The following UBR3 variants were observed in gnomAD, a reference collection of about 807,000 sequenced individuals.
UBR3 encodes ubiquitin protein ligase E3 component n-recognin 3, also known as E3 ubiquitin-protein ligase UBR3.
Under a neutral mutation model 243.2 loss-of-function variants are expected in UBR3, and 85 were observed. That is an observed-to-expected ratio of 0.35 (90% CI 0.29 to 0.42). The LOEUF (loss-of-function observed/expected upper bound fraction) is 0.42. UBR3 is among the 10% of genes least tolerant of loss of function. The probability of loss-of-function intolerance (pLI) is 1.00; values close to 1 mark genes in which losing one functional copy is unlikely to be tolerated. For missense variants in UBR3, 1,686 were observed against 2,300.8 expected (o/e 0.73, Z 5.47); for synonymous variants, 748 against 799.8 (o/e 0.94, Z 1.09).
chr2:169,904,686 T>C (rs570831671), intron 8 of UBR3, among the ~76,000 whole-genome samples: 5 of 152,274 alleles, frequency 3.3e-5, no homozygotes, highest in African/African-American at 1.2e-4. Flanking sequence ...TCTCTTGAAA[T>C]CATACAGATT....
At chr2:170,044,524 G>C (rs781175066) in intron 32 of UBR3, among the ~76,000 whole-genome samples, 16 of 152,120 alleles carry the variant, frequency 1.1e-4, no homozygotes, top group Non-Finnish European at 1.9e-4. Flanking sequence ...GGCCTCTAAA[G>C]AATAAACTCG....
At chr2:169,866,979 C>G (rs757128759) in intron 1 of UBR3, among the ~76,000 whole-genome samples, 3 of 152,148 alleles carry the variant, frequency 2.0e-5, no homozygotes, top group Non-Finnish European at 4.4e-5. Flanking sequence ...TTGTAACTTT[C>G]ATTAGATTCT....
rs554095555 is a variant in UBR3, at chr2:169,877,394, A to G, written c.845-100A>G. The G allele has an allele frequency of 3.2e-5, 35 of 1,076,954 alleles. No homozygotes were observed. In the East Asian group the frequency reaches 9.1e-4, roughly 28 times the overall value. 66.7% of individuals were successfully genotyped at this position (1,076,954 alleles called of 1,614,324 possible). A position where few individuals can be genotyped will look rare whatever the true frequency, so the allele number is the denominator to read the frequency against. ...TTATTCATTCTAGGGCTCCCACTCC[A>G]TTAGAATATTCACCTATTTATAGAT... is the stretch of plus-strand genomic sequence containing the variant. On this transcript the variant is annotated intron_variant, in intron 3 of 38. Transcript: ENST00000272793.
intron 18 of UBR3, 92 bp from the exon 19 acceptor site, chr2:169,932,820 A>T: frequency 9.2e-7 from 1 of 1,090,512 alleles, no homozygotes; most frequent in Non-Finnish European, 1.3e-6. Flanking sequence ...TCTGTGTTTT[A>T]AATGTAAAAT....
chr2:170,071,032 T>C (rs1317577428), intron 35 of UBR3, among the ~76,000 whole-genome samples: 1 of 152,162 alleles, frequency 6.6e-6, no homozygotes, highest in East Asian at 1.9e-4. Context: ...CTCAACATCC[T>C]TGTTCATTAG....
rs1306291873 is a variant in UBR3 at position 169,878,554 on chromosome 2, C to G, written c.1018C>G (p.Gln340Glu). Reference protein sequence around the residue: ...GFIGATGTLGQVDSSDEDDQD... With the variant: ...GFIGATGTLGEVDSSDEDDQD... ...CATAGGCGCAACAGGAACTTTGGGA[C>G]AAGTGGATTCTTCAGATGAGGTGAG... is the stretch of plus-strand genomic sequence containing the variant. The change falls in exon 5 of 39, where the codon CAA (glutamine) becomes GAA (glutamate). Residue 340 changes from glutamine to glutamate, a missense_variant. Gln to Glu is a conservative substitution (Grantham distance 29). Around this residue, in one of 8 missense-constraint regions of UBR3, gnomAD observed 200 missense variants for 231.6 expected, o/e 0.86. Transcript: ENST00000272793. 1 of 1,551,220 alleles carries G rather than the reference C, an allele frequency of 6.4e-7. No homozygotes were observed. The highest frequency in any genetic ancestry group is 1.2e-5 in the South Asian group (1 of 83,856).
At chr2:169,856,505 G>T (rs972491087) in intron 1 of UBR3, among the ~76,000 whole-genome samples, 1 of 152,160 alleles carries the variant, frequency 6.6e-6, no homozygotes, top group Non-Finnish European at 1.5e-5. Context: ...AGGTTGTAGC[G>T]AGCCGAGATC....
intron 27 of UBR3, among the ~76,000 whole-genome samples, chr2:170,005,029 C>T (rs1469547307): frequency 3.3e-5 from 5 of 152,154 alleles, no homozygotes; most frequent in Admixed American, 3.3e-4. Context: ...CGAGACCATC[C>T]TGGCTAACAC....
chr2:170,013,251 C>CATG (rs2090138100), intron 29 of UBR3, among the ~76,000 whole-genome samples: 1 of 151,954 alleles, frequency 6.6e-6, no homozygotes, highest in Admixed American at 6.6e-5. Flanking sequence ...TCTCAAAGGA[C>CATG]CAATTTTGAC....
intron 11 of UBR3, among the ~76,000 whole-genome samples, chr2:169,921,209 G>T (rs1462434993): frequency 6.6e-6 from 1 of 152,154 alleles, no homozygotes; most frequent in Non-Finnish European, 1.5e-5. Flanking sequence ...GTTTGGACAC[G>T]CTGTATTTGT....
chr2:169,980,779 C>A (rs2088691457), intron 24 of UBR3, among the ~76,000 whole-genome samples: 1 of 130,912 alleles, frequency 7.6e-6, no homozygotes, highest in Non-Finnish European at 1.6e-5. Flanking sequence ...CCCCCCTCCC[C>A]CCGATCTTGG....
At chr2:170,075,409 G>C (rs2091786296) in intron 36 of UBR3, among the ~76,000 whole-genome samples, 1 of 152,044 alleles carries the variant, frequency 6.6e-6, no homozygotes, top group Admixed American at 6.6e-5. Flanking sequence ...CACACCCAGA[G>C]TTTGTCTTCA....
At chr2:170,065,603 A>C (rs776800216) in intron 35 of UBR3, among the ~76,000 whole-genome samples, 1 of 152,102 alleles carries the variant, frequency 6.6e-6, no homozygotes, top group Non-Finnish European at 1.5e-5. Context: ...CGTCCAAGTA[A>C]GTCTGGAGCA....
intron 13 of UBR3, among the ~76,000 whole-genome samples, chr2:169,924,831 G>A (rs1298726494): frequency 6.6e-6 from 1 of 152,074 alleles, no homozygotes; most frequent in Non-Finnish European, 1.5e-5. Flanking sequence ...TCAAGAAATC[G>A]AGACCATCCT....
At chr2:169,903,192 A>G (rs185191850) in intron 8 of UBR3, among the ~76,000 whole-genome samples, 23 of 152,350 alleles carry the variant, frequency 1.5e-4, no homozygotes, top group African/African-American at 5.5e-4. Flanking sequence ...GAGTAAAAAT[A>G]GAAGTCCTAA....
chr2:169,970,235 G>GTTTTTTTTTTTT (rs531832498), intron 24 of UBR3, among the ~76,000 whole-genome samples: 1 of 85,580 alleles, frequency 1.2e-5, no homozygotes, highest in Non-Finnish European at 2.3e-5. Flanking sequence ...TTGTTCCTAG[G>GTTTTTTTTTTTT]TTTTTTTTTT....
intron 25 of UBR3, among the ~76,000 whole-genome samples, chr2:169,987,755 A>G (rs1042772130): frequency 2.0e-5 from 3 of 152,102 alleles, no homozygotes; most frequent in Non-Finnish European, 2.9e-5. Context: ...AAATTCTTAC[A>G]TATTTCTCCA....
intron 1 of UBR3, among the ~76,000 whole-genome samples, chr2:169,853,741 C>T (rs982660344): frequency 2.6e-5 from 4 of 151,672 alleles, no homozygotes; most frequent in African/African-American, 9.7e-5. Context: ...TGAGCCATCG[C>T]CCCTGGCCCA....
chr2:170,023,084 A>G (rs2090434526), intron 30 of UBR3, among the ~76,000 whole-genome samples: 1 of 152,104 alleles, frequency 6.6e-6, no homozygotes, highest in Admixed American at 6.6e-5. Flanking sequence ...TTGCAGAGAA[A>G]GGGAGATTTT....
Sources: allele counts gnomAD v4.1 joint callset (sites outside exome capture counted in the v4.1 genomes callset), GRCh38; gene constraint gnomAD v4.1.1; regional missense constraint gnomAD v4.1.1; transcripts MANE v1.5; gene names NCBI Gene and HGNC (gene_info 2026-07-23, HGNC 2026-07-21).